Variants in MLLT6 observed in about 807,000 individuals in gnomAD.
MLLT6 encodes protein AF-17.
In MLLT6, 22 loss-of-function variants were observed where a neutral mutation model predicts 103.0. That is an observed-to-expected ratio of 0.21 (90% confidence interval 0.15 to 0.31). MLLT6 has a LOEUF of 0.31. Among genes scored for constraint, MLLT6 ranks in the 10% least tolerant of loss-of-function variants. The pLI is 1.00. For missense variants in MLLT6, 1,199 were observed against 1,441.7 expected (o/e 0.83, Z 2.73); for synonymous variants, 606 against 623.5 (o/e 0.97, Z 0.42).
chr17:38,716,331 G>T lies in MLLT6; in HGVS notation c.1037-36G>T, dbSNP rs774502404. The T allele has an allele frequency of 3.8e-6, 6 of 1,585,128 alleles. No homozygotes were observed. The South Asian group carries it at 5.8e-5, about 15-fold the overall frequency. On this transcript the variant is annotated intron_variant, in intron 9 of 19. Coordinates refer to ENST00000621332, the MANE Select transcript of MLLT6 (RefSeq NM_005937.4). This position sits in a 1 kb window ranked among gnomAD's most constrained non-coding sequence, Gnocchi z 5.6. ...GGAGTGGGAGGGAGTGCGGGGATCT[G>T]GGGTCCAGCTGTAACTGTTTCCCCT...
At position 38,712,760 on chromosome 17, in the gene MLLT6, A is replaced by C. The variant is rs753354678; in HGVS notation, c.790A>C (p.Thr264Pro). The change falls in exon 8 of 20, where the codon ACC (threonine) becomes CCC (proline). Residue 264 changes from threonine to proline, a missense_variant. By Grantham distance (38) the Thr-to-Pro change is conservative. This residue lies in a region of MLLT6 where 1,034 missense variants were observed against 1,091.5 expected (regional missense o/e 0.95). Transcript: ENST00000621332. ...KRPESPPSIL[T>P]PPVVPTADKV... ...GCCTGAGTCGCCCCCCAGCATCCTC[A>C]CCCCGCCCGTGGTCCCCACTGCTGA... 24 of 1,612,970 alleles carry C rather than the reference A, an allele frequency of 1.5e-5. 1 individual carries two copies. The East Asian group carries it at 5.4e-4, about 36-fold the overall frequency.
intron 10 of MLLT6, among the ~76,000 whole-genome samples, 180 bp from the exon 11 acceptor site, chr17:38,717,252 C>T (rs906109103): frequency 1.3e-5 from 2 of 152,046 alleles, no homozygotes; most frequent in Admixed American, 1.3e-4. Context: ...AACAAGCAGG[C>T]GCAGCAAGCA....
At position 38,716,530 on chromosome 17, in the gene MLLT6, C is replaced by G; in HGVS notation, c.1200C>G (p.Phe400Leu). The G allele has an allele frequency of 6.2e-7, 1 of 1,614,184 alleles. No homozygotes were observed. Reference sequence around the variant, plus strand: ...ACCTTTTTGAGCAGAAGGTGGTCTTCTCTGGCTTTGGGCCCATCATGCGCT... The same window carrying G: ...ACCTTTTTGAGCAGAAGGTGGTCTTGTCTGGCTTTGGGCCCATCATGCGCT... ...KADLFEQKVVFSGFGPIMRFS... is the reference protein window; with the variant it reads ...KADLFEQKVVLSGFGPIMRFS... Residue 400 changes from phenylalanine (F) to leucine (L), a missense_variant, in exon 10 of 20, where the codon TTC (phenylalanine) becomes TTG (leucine). Physicochemically the swap from Phe to Leu is conservative, Grantham distance 22. This residue lies in a region of MLLT6 where 1,034 missense variants were observed against 1,091.5 expected (regional missense o/e 0.95). Coordinates refer to ENST00000621332, the MANE Select transcript of MLLT6 (RefSeq NM_005937.4). The surrounding 1 kb of genome is among the most constrained non-coding windows in gnomAD (Gnocchi z 5.6).
intron 14 of MLLT6, 62 bp downstream of exon 14, chr17:38,719,957 C>T (rs1329504926): frequency 1.3e-6 from 2 of 1,490,434 alleles, no homozygotes; most frequent in Non-Finnish European, 1.8e-6. Flanking sequence ...ACCTTTCTCC[C>T]CGAGGTCCCC....
rs2143707268 is a variant in MLLT6 at position 38,722,193 on chromosome 17, GC to G, written c.2763del (p.Thr922ArgfsTer38). 1 of 1,365,810 alleles carries G rather than the reference GC, an allele frequency of 7.3e-7. No individual in the cohort carries two copies. Among genetic ancestry groups the G allele is most frequent in the Non-Finnish European group, 9.4e-7 (1 of 1,064,670 alleles). 84.6% of individuals were successfully genotyped at this position (1,365,810 alleles called of 1,614,324 possible). A position where few individuals can be genotyped will look rare whatever the true frequency, so the allele number is the denominator to read the frequency against. On this transcript the variant is annotated frameshift_variant, in exon 17 of 20. Coordinates refer to ENST00000621332, the MANE Select transcript of MLLT6 (RefSeq NM_005937.4). LOFTEE classifies it high-confidence loss of function. ...NPASLSQAGGAPTLQLPGCLN... is the reference protein window; with the variant it reads ...NPASLSQAGGXPTLQLPGCLN... Reference sequence around the variant, plus strand: ...CGCAAGCTTGAGCCAGGCTGGCGGGGCCCCCACGCTGCAGCTGCCAGGCTGT... The same window carrying G: ...CGCAAGCTTGAGCCAGGCTGGCGGGGCCCCACGCTGCAGCTGCCAGGCTGT...
Position 38,716,926 on chromosome 17 carries a change from T to G in MLLT6, c.1596T>G (p.Phe532Leu), listed in dbSNP as rs1484526578. 1 of 1,613,762 alleles carries G rather than the reference T, an allele frequency of 6.2e-7. No individual in the cohort carries two copies. Among genetic ancestry groups the G allele is most frequent in the Non-Finnish European group, 8.5e-7 (1 of 1,179,930 alleles). ...TGGGAGGTCTGTCCTCCCGAACCTT[T>G]GGGCCTTCTGGGAGCTTGCCCAGCT... The part of the protein sequence containing the change: ...SGLGGLSSRT[F>L]GPSGSLPSLS... Residue 532 changes from phenylalanine (F) to leucine (L), a missense_variant, in exon 10 of 20, where the codon TTT (phenylalanine) becomes TTG (leucine). Physicochemically the swap from Phe to Leu is conservative, Grantham distance 22. Around this residue, in one of 7 missense-constraint regions of MLLT6, gnomAD observed 1,034 missense variants for 1,091.5 expected, o/e 0.95. Transcript: ENST00000621332. This position sits in a 1 kb window ranked among gnomAD's most constrained non-coding sequence, Gnocchi z 5.6.
chr17:38,719,074 T>C (rs1006118580), intron 12 of MLLT6: 1 of 223,482 alleles, frequency 4.5e-6, no homozygotes, highest in Non-Finnish European at 8.9e-6. Context: ...GCTTGCTACA[T>C]GCTAGCTAAA....
At chr17:38,708,572 A>G (rs566614743) in intron 4 of MLLT6, among the ~76,000 whole-genome samples, 15 of 152,348 alleles carry the variant, frequency 9.8e-5, no homozygotes, top group African/African-American at 3.6e-4. Flanking sequence ...CATAGTAGCC[A>G]TCGGCCACAC....
chr17:38,717,820 A>G (rs759197994), intron 11 of MLLT6, 25 bp from the exon 12 acceptor site: 3 of 1,566,098 alleles, frequency 1.9e-6, no homozygotes, highest in Non-Finnish European at 2.6e-6. Flanking sequence ...AATAACCGCC[A>G]GGGGATTCTA....
At chr17:38,720,305 G>GCCCCCCGGGCCCCAGGCCCCCC in intron 14 of MLLT6, 67 bp from the exon 15 acceptor site, 1 of 219,518 alleles carries the variant, frequency 4.6e-6, no homozygotes, top group Non-Finnish European at 8.5e-6. Context: ...TCCAGGCCCC[G>GCCCCCCGGGCCCCAGGCCCCCC]CCCCCGGTCC....
chr17:38,712,623 C>T (rs753355678), intron 7 of MLLT6, 68 bp from the exon 8 acceptor site: 1 of 1,028,424 alleles, frequency 9.7e-7, no homozygotes, highest in Non-Finnish European at 1.5e-6. Context: ...TCCCCATACC[C>T]ACATGTCATG....
chr17:38,711,743 G>T, intron 6 of MLLT6, 104 bp from the exon 7 acceptor site: 2 of 1,380,214 alleles, frequency 1.4e-6, no homozygotes, highest in Admixed American at 3.0e-5. Flanking sequence ...GACAGACGGG[G>T]CACATGGGGC....
chr17:38,713,162 AG>A, intron 8 of MLLT6: 2 of 641,544 alleles, frequency 3.1e-6, no homozygotes, highest in South Asian at 3.8e-5. Context: ...CCCCATCAGG[AG>A]GACACCCAAA....
chr17:38,719,940 A>G, intron 14 of MLLT6, 45 bp downstream of exon 14: 4 of 1,516,864 alleles, frequency 2.6e-6, no homozygotes, highest in Non-Finnish European at 2.7e-6. Context: ...CTAGGGCCCT[A>G]ACAGTCACCT....
intron 18 of MLLT6, among the ~76,000 whole-genome samples, chr17:38,723,630 G>C (rs1334046830): frequency 1.3e-5 from 2 of 152,004 alleles, no homozygotes; most frequent in Non-Finnish European, 2.9e-5. Context: ...GGTAAACTTT[G>C]ATATATTATT....
rs1905409470 is a variant in MLLT6 at position 38,717,500 on chromosome 17, C to T, written c.1720C>T (p.Pro574Ser). ...GATGCTGCGGGCTGTCTGCAGCACC[C>T]CTCTCTCCTCCAGCCTCCTGGGGCC... The part of the protein sequence containing the change: ...GGMLRAVCST[P>S]LSSSLLGPPG... Residue 574 changes from proline (P) to serine (S), a missense_variant, in exon 11 of 20, where the codon CCT (proline) becomes TCT (serine). Pro to Ser is a moderately conservative substitution (Grantham distance 74). Transcript: ENST00000621332. 5 of 1,613,280 alleles carry T rather than the reference C, an allele frequency of 3.1e-6. No homozygotes were observed. Among genetic ancestry groups the T allele is most frequent in the Non-Finnish European group, 4.2e-6 (5 of 1,179,926 alleles).
chr17:38,705,468 C>G lies in MLLT6; in HGVS notation c.-165C>G. On this transcript the variant is annotated 5_prime_UTR_variant, in exon 1 of 20. Coordinates refer to ENST00000621332, the MANE Select transcript of MLLT6 (RefSeq NM_005937.4). ...CGAGCGAGGAGGAGGAGGAGGAGGA[C>G]GCGGAGGAGGAGGAAGGAGGAGGCA... 2.3e-6 allele frequency: 1 copy of G among 439,870 alleles called. No homozygotes were observed. The highest frequency in any genetic ancestry group is 3.9e-5 in the East Asian group (1 of 25,690). 27.2% of individuals were successfully genotyped at this position (439,870 alleles called of 1,614,324 possible). A position where few individuals can be genotyped will look rare whatever the true frequency, so the allele number is the denominator to read the frequency against.
At chr17:38,721,800 A>G (rs747073254) in intron 16 of MLLT6, 78 bp from the exon 17 acceptor site, 159 of 993,288 alleles carry the variant, frequency 1.6e-4, no homozygotes, top group Non-Finnish European at 2.2e-4. Flanking sequence ...GCTCTGTGAG[A>G]ATGCTGGTGG....
intron 8 of MLLT6, chr17:38,713,031 C>T (rs545006986): frequency 2.6e-6 from 2 of 776,940 alleles, no homozygotes; most frequent in East Asian, 4.9e-5. Context: ...TCCCATCTGC[C>T]TCTGTCCAGA....
Sources: allele counts gnomAD v4.1 joint callset (sites outside exome capture counted in the v4.1 genomes callset), GRCh38; gene constraint gnomAD v4.1.1; regional missense constraint gnomAD v4.1.1; non-coding constraint Gnocchi (gnomAD v3.1); transcripts MANE v1.5; gene names NCBI Gene and HGNC (gene_info 2026-07-23, HGNC 2026-07-21).